ULK4: variants seen among roughly 807,000 people sequenced by gnomAD.
The protein encoded by ULK4 is inactive serine/threonine-protein kinase ULK4.
A neutral mutation model predicts 160.6 loss-of-function variants in ULK4; 133 were observed. The ratio of observed to expected loss-of-function variants is 0.83; its 90% CI spans 0.72 to 0.96. ULK4 has a LOEUF of 0.96. Among genes scored for constraint, ULK4 ranks in the 40% least tolerant of loss-of-function variants. The pLI is 0.00. For synonymous variants in ULK4, 534 were observed against 539.8 expected (o/e 0.99, Z 0.15); for missense variants, 1,580 against 1,499.5 (o/e 1.05, Z -0.89).
intron 30 of ULK4, among the ~76,000 whole-genome samples, chr3:41,643,602 G>A (rs1295559511): frequency 6.6e-6 from 1 of 152,146 alleles, no homozygotes; most frequent in Admixed American, 6.5e-5. Flanking sequence ...TAGCCTTGTA[G>A]TATAGTTTGA....
intron 35 of ULK4, among the ~76,000 whole-genome samples, chr3:41,346,217 C>T (rs754103821): frequency 3.1e-4 from 47 of 152,086 alleles, no homozygotes; most frequent in Non-Finnish European, 6.0e-4. Flanking sequence ...ATTGACTGAG[C>T]GTTTCACCTA....
At chr3:41,588,779 T>A (rs2031028206) in intron 31 of ULK4, among the ~76,000 whole-genome samples, 1 of 152,214 alleles carries the variant, frequency 6.6e-6, no homozygotes, top group African/African-American at 2.4e-5. Flanking sequence ...GGGCATCCAG[T>A]CATTTAAATA....
rs1360770459 is a variant in ULK4 at position 41,295,250 on chromosome 3, A to ATGCT, written c.3679-45677_3679-45676insAGCA. On this transcript the variant is annotated intron_variant, in intron 35 of 36. Coordinates refer to ENST00000301831, the MANE Select transcript of ULK4 (RefSeq NM_017886.4). ...GGAACAACTGGATATCCACATGCAA[A>ATGCT]ACATGAATGCAGACACAGATCTTTT... is the stretch of plus-strand genomic sequence containing the variant. 4.3e-4 allele frequency among the ~76,000 whole-genome samples: 33 copies of ATGCT among 76,456 alleles called. 12 individuals carry two copies. Among genetic ancestry groups the ATGCT allele is most frequent in the Non-Finnish European group, 7.3e-4 (22 of 30,126 alleles). The allele number at this position is 76,456 out of a possible 152,430, so 50.2% of individuals were successfully genotyped here.
At chr3:41,310,044 G>T (rs2080020249) in intron 35 of ULK4, among the ~76,000 whole-genome samples, 1 of 152,194 alleles carries the variant, frequency 6.6e-6, no homozygotes, top group African/African-American at 2.4e-5. Context: ...TAGAAACCTT[G>T]ATGAACTTTA....
intron 21 of ULK4, among the ~76,000 whole-genome samples, chr3:41,765,099 C>T (rs2125911933): frequency 6.6e-6 from 1 of 152,290 alleles, no homozygotes; most frequent in East Asian, 1.9e-4. Context: ...TATAAAAACA[C>T]ATGCACACGT....
chr3:41,379,099 A>G (rs536334078), intron 35 of ULK4, among the ~76,000 whole-genome samples: 3 of 152,188 alleles, frequency 2.0e-5, no homozygotes, highest in African/African-American at 2.4e-5. Flanking sequence ...AGAAACACCT[A>G]ATGTAGATGA....
chr3:41,896,716 A>C lies in ULK4; in HGVS notation c.1530+106T>G. ...ATTTTCATAAACCTAAAATCGTGAT[A>C]AATCAGTTTTTTTGTGGTAGTTAAA... On this transcript the variant is annotated intron_variant, in intron 15 of 36. Coordinates refer to ENST00000301831, the MANE Select transcript of ULK4 (RefSeq NM_017886.4). The C allele has an allele frequency of 3.1e-6, 4 of 1,281,146 alleles. No individual in the cohort carries two copies. The South Asian group carries it at 6.7e-5, about 22-fold the overall frequency. 79.4% of individuals were successfully genotyped at this position (1,281,146 alleles called of 1,614,324 possible). A position where few individuals can be genotyped will look rare whatever the true frequency, so the allele number is the denominator to read the frequency against.
At chr3:41,403,252 T>C (rs1363492503) in intron 34 of ULK4, among the ~76,000 whole-genome samples, 1 of 152,206 alleles carries the variant, frequency 6.6e-6, no homozygotes, top group East Asian at 1.9e-4. Flanking sequence ...AGTTTGCTTT[T>C]TAGGAGTATT....
intron 5 of ULK4, among the ~76,000 whole-genome samples, chr3:41,923,363 G>GTGGTGTGCTCCTGTAATTCCAGCTACT (rs1353714105): frequency 6.6e-6 from 1 of 152,072 alleles, no homozygotes; most frequent in African/African-American, 2.4e-5. Context: ...GCTGGGCATG[G>GTGGTGTGCTCCTGTAATTCCAGCTACT]TGGTGTGCTC....
At chr3:41,824,342 G>C (rs142608363) in intron 18 of ULK4, among the ~76,000 whole-genome samples, 2 of 151,878 alleles carry the variant, frequency 1.3e-5, no homozygotes, top group African/African-American at 4.8e-5. Flanking sequence ...GCAGCACACC[G>C]AGCATAAGAC....
At chr3:41,282,473 C>A (rs1391709390) in intron 35 of ULK4, among the ~76,000 whole-genome samples, 2 of 152,140 alleles carry the variant, frequency 1.3e-5, no homozygotes, top group Non-Finnish European at 2.9e-5. Flanking sequence ...TGGAACAGAA[C>A]AGAGGCCTCA....
At chr3:41,759,458 A>C (rs2038917423) in intron 21 of ULK4, among the ~76,000 whole-genome samples, 1 of 152,186 alleles carries the variant, frequency 6.6e-6, no homozygotes, top group African/African-American at 2.4e-5. Context: ...GTACATTAAA[A>C]ATTCTAAAAT....
At chr3:41,295,046 T>C (rs181392960) in intron 35 of ULK4, among the ~76,000 whole-genome samples, 6 of 152,334 alleles carry the variant, frequency 3.9e-5, no homozygotes, top group South Asian at 4.1e-4. Flanking sequence ...AACTTCAAGA[T>C]GTACTAAAAA....
intron 17 of ULK4, among the ~76,000 whole-genome samples, chr3:41,848,686 C>T (rs1251678366): frequency 6.6e-6 from 1 of 152,164 alleles, no homozygotes; most frequent in Non-Finnish European, 1.5e-5. Context: ...CTAGCAGTAT[C>T]CCCAAACAGG....
intron 35 of ULK4, among the ~76,000 whole-genome samples, chr3:41,286,598 G>T (rs1055806647): frequency 6.6e-6 from 1 of 152,112 alleles, no homozygotes; most frequent in Non-Finnish European, 1.5e-5. Context: ...CCAGGGCCCC[G>T]CCAGCACCCT....
chr3:41,837,743 TAG>T (rs2041800963), intron 17 of ULK4, among the ~76,000 whole-genome samples: 1 of 152,122 alleles, frequency 6.6e-6, no homozygotes, highest in Non-Finnish European at 1.5e-5. Context: ...GTATTTTTAG[TAG>T]AGACTGGGTT....
intron 35 of ULK4, among the ~76,000 whole-genome samples, chr3:41,305,362 C>G (rs2079886624): frequency 6.6e-6 from 1 of 152,236 alleles, no homozygotes. Flanking sequence ...TGCTGAGTGC[C>G]TGCGATTGCA....
At chr3:41,918,568 G>C in intron 6 of ULK4, 28 bp from the exon 7 acceptor site, 1 of 1,098,230 alleles carries the variant, frequency 9.1e-7, no homozygotes, top group Middle Eastern at 2.7e-4. Flanking sequence ...CTTGCAAAAT[G>C]AAAGAAGTCT....
intron 21 of ULK4, among the ~76,000 whole-genome samples, chr3:41,782,006 T>C (rs1349760323): frequency 6.6e-6 from 1 of 152,220 alleles, no homozygotes; most frequent in Admixed American, 6.5e-5. Context: ...TGTGTTTATG[T>C]TGGGCAATTA....
Sources: allele counts gnomAD v4.1 joint callset (sites outside exome capture counted in the v4.1 genomes callset), GRCh38; gene constraint gnomAD v4.1.1; transcripts MANE v1.5; gene names NCBI Gene and HGNC (gene_info 2026-07-23, HGNC 2026-07-21).